The following EYA4 variants were observed in gnomAD, a reference collection of about 807,000 sequenced individuals.
EYA4 encodes the protein protein phosphatase EYA4.
A neutral mutation model predicts 87.9 loss-of-function variants in EYA4; 31 were observed. The observed-to-expected ratio is 0.35, with a 90% CI of 0.27 to 0.48. The LOEUF (loss-of-function observed/expected upper bound fraction) is 0.48. Among genes scored for constraint, EYA4 ranks in the 20% least tolerant of loss-of-function variants. The pLI is 0.99. For missense variants in EYA4, 678 were observed against 761.4 expected (o/e 0.89, Z 1.29); for synonymous variants, 263 against 270.6 (o/e 0.97, Z 0.28).
At chr6:133,502,948 T>A (rs1798264654) in intron 13 of EYA4, among the ~76,000 whole-genome samples, 1 of 152,206 alleles carries the variant, frequency 6.6e-6, no homozygotes, top group Non-Finnish European at 1.5e-5. Flanking sequence ...AAATGATATT[T>A]TGCCAAAATG....
At position 133,376,423 on chromosome 6, in the gene EYA4, A is replaced by G. The variant is rs181302361; in HGVS notation, c.34-5969A>G. On this transcript the variant is annotated intron_variant, in intron 2 of 19. Transcript: ENST00000355286. ...TCCTAAGACTCAATTATTAATGCTC[A>G]TTTCAAAACAAAATGAAGTTCCAAA... Among the ~76,000 whole-genome samples, 73 of 151,986 alleles carry G rather than the reference A, an allele frequency of 4.8e-4. 1 individual carries two copies. Among genetic ancestry groups the G allele is most frequent in the Admixed American group, 1.8e-3 (28 of 15,254 alleles).
chr6:133,479,326 T>TATC (rs1796009472), intron 11 of EYA4, among the ~76,000 whole-genome samples: 1 of 152,200 alleles, frequency 6.6e-6, no homozygotes, highest in South Asian at 2.1e-4. Flanking sequence ...ATTACTCTGC[T>TATC]ATCTACTCTC....
intron 2 of EYA4, among the ~76,000 whole-genome samples, chr6:133,292,051 G>A (rs138469808): frequency 0.012 from 1,860 of 152,182 alleles, 37 homozygotes; most frequent in African/African-American, 0.042. Context: ...AAATCTTTGT[G>A]AAAAATCCTA....
At chr6:133,243,121 GTGTAC>G (rs913337984) in intron 1 of EYA4, among the ~76,000 whole-genome samples, 4 of 72,828 alleles carry the variant, frequency 5.5e-5, no homozygotes, top group African/African-American at 2.1e-4. Flanking sequence ...TGTGTGTGTT[GTGTAC>G]TTGATCTGTG....
rs549888564 is a variant in EYA4 at position 133,468,466 on chromosome 6, T to C, written c.805-100T>C. On this transcript the variant is annotated intron_variant, in intron 10 of 19. Coordinates refer to ENST00000355286, the MANE Select transcript of EYA4 (RefSeq NM_004100.5). ...CTGTGGACTCAGAAACAAATGGGGCTGAGTACTAATCTTTCAGTTACCATA... is the reference window on the plus strand; with the variant it reads ...CTGTGGACTCAGAAACAAATGGGGCCGAGTACTAATCTTTCAGTTACCATA... The C allele has an allele frequency of 7.3e-6, 7 of 960,272 alleles. No homozygotes were observed. In the South Asian group the frequency reaches 7.8e-5, roughly 11 times the overall value. The allele number at this position is 960,272 out of a possible 1,614,324, so 59.5% of individuals were successfully genotyped here.
intron 2 of EYA4, among the ~76,000 whole-genome samples, chr6:133,378,485 C>T (rs1228996436): frequency 6.6e-6 from 1 of 151,972 alleles, no homozygotes; most frequent in Non-Finnish European, 1.5e-5. Flanking sequence ...TTTTGATCTT[C>T]ATTTTGAACA....
chr6:133,512,931 T>C lies in EYA4; in HGVS notation c.1394T>C (p.Leu465Pro), dbSNP rs1799281130. The change falls in exon 16 of 20, where the codon CTT becomes CCT. Residue 465 changes from leucine to proline, a missense_variant. Coordinates refer to ENST00000355286, the MANE Select transcript of EYA4 (RefSeq NM_004100.5). Reference protein sequence around the residue: ...GFHAAASSANLCLPTGVRGGV... With the variant: ...GFHAAASSANPCLPTGVRGGV... ...CATGCAGCTGCAAGTAGTGCAAACC[T>C]TTGTTTGCCAACAGGTGTAAGAGGA... is the stretch of plus-strand genomic sequence containing the variant. 1 of 1,614,062 alleles carries C rather than the reference T, an allele frequency of 6.2e-7. No homozygotes were observed. Among genetic ancestry groups the C allele is most frequent in the Non-Finnish European group, 8.5e-7 (1 of 1,179,920 alleles).
chr6:133,422,274 A>G (rs1790285726), intron 3 of EYA4, among the ~76,000 whole-genome samples: 2 of 152,340 alleles, frequency 1.3e-5, no homozygotes, highest in South Asian at 4.1e-4. Flanking sequence ...TATCATTCCC[A>G]TAAGTGCATT....
chr6:133,305,945 C>T (rs1486914748), intron 2 of EYA4, among the ~76,000 whole-genome samples: 1 of 151,800 alleles, frequency 6.6e-6, no homozygotes, highest in Non-Finnish European at 1.5e-5. Flanking sequence ...TTATTGGTAA[C>T]TCTTAAGTAA....
chr6:133,408,214 G>A (rs1016005192), intron 3 of EYA4, among the ~76,000 whole-genome samples: 1 of 152,150 alleles, frequency 6.6e-6, no homozygotes. Context: ...TCCATCTTTT[G>A]TTGGGGAATA....
intron 17 of EYA4, 25 bp from the exon 18 acceptor site, chr6:133,523,031 C>T (rs781340182): frequency 6.3e-7 from 1 of 1,590,092 alleles, no homozygotes; most frequent in South Asian, 1.1e-5. Context: ...AGAAAACAAA[C>T]ATGTATATTT....
intron 4 of EYA4, 69 bp downstream of exon 4, chr6:133,446,823 A>T: frequency 7.3e-7 from 1 of 1,361,242 alleles, no homozygotes; most frequent in Non-Finnish European, 1.0e-6. Flanking sequence ...CTTCTTAGAG[A>T]TCTGCTAATA....
In EYA4 at chr6:133,327,124, T is replaced by A. The variant is rs536651128; in HGVS notation, c.33+52311T>A. On this transcript the variant is annotated intron_variant, in intron 2 of 19. Transcript: ENST00000355286. The stretch of plus-strand genomic sequence containing the variant: ...GTTAAATTACAAATAAATCTTACAC[T>A]AAAATTTATTTTATTTTATTTTTAT... Among the ~76,000 whole-genome samples the A allele has an allele frequency of 5.9e-5, 9 of 152,296 alleles. No homozygotes were observed. The East Asian group carries it at 1.5e-3, about 26-fold the overall frequency.
At chr6:133,282,168 C>T (rs1469914543) in intron 2 of EYA4, among the ~76,000 whole-genome samples, 1 of 151,978 alleles carries the variant, frequency 6.6e-6, no homozygotes, top group African/African-American at 2.4e-5. Context: ...AAATCTCCAA[C>T]CTGCTTCATA....
At chr6:133,478,491 G>A (rs967054346) in intron 11 of EYA4, among the ~76,000 whole-genome samples, 4 of 152,052 alleles carry the variant, frequency 2.6e-5, no homozygotes, top group African/African-American at 9.7e-5. Flanking sequence ...TTAAGGAAAG[G>A]ACAACTGCTA....
chr6:133,374,152 C>T (rs1418826922), intron 2 of EYA4, among the ~76,000 whole-genome samples: 1 of 152,030 alleles, frequency 6.6e-6, no homozygotes, highest in African/African-American at 2.4e-5. Context: ...ACATACTGTA[C>T]ATAAATAATT....
chr6:133,302,141 C>G (rs931906270), intron 2 of EYA4, among the ~76,000 whole-genome samples: 18 of 152,128 alleles, frequency 1.2e-4, no homozygotes, highest in African/African-American at 4.3e-4. Flanking sequence ...TTCTGGGTTA[C>G]GCAGTGTGAA....
At chr6:133,435,970 A>C (rs577327156) in intron 3 of EYA4, among the ~76,000 whole-genome samples, 75 of 152,134 alleles carry the variant, frequency 4.9e-4, no homozygotes, top group African/African-American at 1.6e-3. Flanking sequence ...CCTGTAATCC[A>C]AGCACTTTGG....
intron 11 of EYA4, among the ~76,000 whole-genome samples, chr6:133,479,585 T>A (rs1165209417): frequency 6.6e-6 from 1 of 152,236 alleles, no homozygotes; most frequent in Non-Finnish European, 1.5e-5. Context: ...ATTTTAATTT[T>A]TAAATTTAAT....
Sources: gnomAD v4.1 joint callset for allele counts (sites outside exome capture counted in the v4.1 genomes callset) on GRCh38, gnomAD v4.1.1 for gene constraint, MANE v1.5 for transcripts, NCBI Gene and HGNC (gene_info 2026-07-23, HGNC 2026-07-21) for gene names.